The following SHISA9 variants were observed in gnomAD, a reference collection of about 807,000 sequenced individuals.
The protein encoded by SHISA9 is shisa family member 9, also known as protein shisa-9.
A neutral mutation model predicts 38.0 loss-of-function variants in SHISA9; 13 were observed. The ratio of observed to expected loss-of-function variants is 0.34; its 90% CI spans 0.22 to 0.54. SHISA9 has a LOEUF of 0.54. SHISA9 is among the 20% of genes least tolerant of loss of function. The probability of loss-of-function intolerance (pLI) is 0.91; values close to 1 mark genes in which losing one functional copy is unlikely to be tolerated. For synonymous variants in SHISA9, 275 were observed against 242.0 expected (o/e 1.14, Z -1.27); for missense variants, 538 against 575.8 (o/e 0.93, Z 0.67).
chr16:13,260,359 A>G, the SHISA9 span, among the ~76,000 whole-genome samples: 1 of 151,884 alleles, frequency 6.6e-6, no homozygotes, highest in Non-Finnish European at 1.5e-5. Context: ...AAATTTTCCA[A>G]ACTTTTAAGC....
the SHISA9 span, among the ~76,000 whole-genome samples, chr16:13,542,271 T>A: frequency 6.6e-6 from 1 of 152,160 alleles, no homozygotes; most frequent in Admixed American, 6.5e-5. Context: ...AACCACTGAA[T>A]TTGTGGTCAT....
the SHISA9 span, among the ~76,000 whole-genome samples, chr16:13,562,063 AG>A: frequency 1.3e-5 from 2 of 152,124 alleles, no homozygotes; most frequent in African/African-American, 4.8e-5. Flanking sequence ...CTCCACATTG[AG>A]GGGAAGATGG....
chr16:13,357,553 G>A, the SHISA9 span, among the ~76,000 whole-genome samples: 1 of 152,170 alleles, frequency 6.6e-6, no homozygotes, highest in East Asian at 1.9e-4. Flanking sequence ...GAGGTCCCCC[G>A]ATCCGAGTCA....
At chr16:13,311,100 G>A in the SHISA9 span, among the ~76,000 whole-genome samples, 1 of 152,098 alleles carries the variant, frequency 6.6e-6, no homozygotes, top group Non-Finnish European at 1.5e-5. Context: ...AGGGATTGCA[G>A]GGCCTAGAAG....
chr16:13,103,579 C>T (rs1295901995), intron 2 of SHISA9, among the ~76,000 whole-genome samples: 1 of 152,202 alleles, frequency 6.6e-6, no homozygotes, highest in African/African-American at 2.4e-5. Flanking sequence ...GCCTCTCAGT[C>T]TGTGAGTAAG....
At chr16:13,421,137 C>T in the SHISA9 span, among the ~76,000 whole-genome samples, 1 of 152,190 alleles carries the variant, frequency 6.6e-6, no homozygotes, top group African/African-American at 2.4e-5. Context: ...ATCTTCATCC[C>T]TCAGGCCAGG....
At chr16:13,453,423 A>G in the SHISA9 span, among the ~76,000 whole-genome samples, 4 of 152,216 alleles carry the variant, frequency 2.6e-5, no homozygotes, top group Non-Finnish European at 5.9e-5. Flanking sequence ...TTCATACAAA[A>G]GCTTGCAAAC....
intron 2 of SHISA9, among the ~76,000 whole-genome samples, chr16:13,177,521 A>G (rs1419979019): frequency 6.6e-6 from 1 of 151,950 alleles, no homozygotes; most frequent in Non-Finnish European, 1.5e-5. Context: ...AGTGCTCAAT[A>G]CTTCTACTTT....
intron 2 of SHISA9, among the ~76,000 whole-genome samples, chr16:13,044,797 G>C (rs1273609300): frequency 6.6e-6 from 1 of 152,170 alleles, no homozygotes; most frequent in Non-Finnish European, 1.5e-5. Context: ...ATGAATCTTG[G>C]ATGGTAGCTA....
the SHISA9 span, among the ~76,000 whole-genome samples, chr16:13,428,546 G>C: frequency 1.3e-5 from 2 of 152,176 alleles, no homozygotes; most frequent in African/African-American, 2.4e-5. Context: ...CTGATGGATA[G>C]CTTCCTTGAA....
chr16:13,022,608 A>T (rs1032025524), intron 2 of SHISA9, among the ~76,000 whole-genome samples: 1 of 152,078 alleles, frequency 6.6e-6, no homozygotes, highest in African/African-American at 2.4e-5. Flanking sequence ...CTGGGATTAC[A>T]GTTGTAAGCC....
chr16:13,124,425 G>A (rs968032205), intron 2 of SHISA9, among the ~76,000 whole-genome samples: 1 of 152,144 alleles, frequency 6.6e-6, no homozygotes, highest in Non-Finnish European at 1.5e-5. Context: ...CCCAAGAAAG[G>A]TTGGACCTGT....
At chr16:13,291,015 C>G in the SHISA9 span, among the ~76,000 whole-genome samples, 74 of 152,130 alleles carry the variant, frequency 4.9e-4, no homozygotes, top group African/African-American at 1.7e-3. Context: ...ACTGAACACA[C>G]TATTTAAGGA....
chr16:12,929,444 G>T (rs188146229), intron 2 of SHISA9, among the ~76,000 whole-genome samples: 1 of 152,168 alleles, frequency 6.6e-6, no homozygotes, highest in Non-Finnish European at 1.5e-5. Flanking sequence ...ATACACCATG[G>T]AATACTATGC....
intron 2 of SHISA9, among the ~76,000 whole-genome samples, chr16:13,071,757 C>G (rs1207031343): frequency 1.3e-5 from 2 of 152,036 alleles, no homozygotes; most frequent in African/African-American, 4.8e-5. Context: ...CCCATTTCAG[C>G]CTCCCTAGTA....
intron 2 of SHISA9, among the ~76,000 whole-genome samples, chr16:12,975,169 T>C (rs1312666195): frequency 6.6e-6 from 1 of 152,188 alleles, no homozygotes; most frequent in African/African-American, 2.4e-5. Context: ...CCACTAAAAC[T>C]GTACCCAGTG....
At chr16:13,083,077 G>C (rs1237383254) in intron 2 of SHISA9, among the ~76,000 whole-genome samples, 1 of 152,172 alleles carries the variant, frequency 6.6e-6, no homozygotes, top group African/African-American at 2.4e-5. Flanking sequence ...AAGTAAGCCT[G>C]TGCTCCCCTA....
At chr16:13,351,798 G>C in the SHISA9 span, among the ~76,000 whole-genome samples, 5 of 152,196 alleles carry the variant, frequency 3.3e-5, no homozygotes, top group Non-Finnish European at 7.3e-5. Flanking sequence ...AGGATTGGTT[G>C]CTAACACCAG....
chr16:13,398,748 G>T, the SHISA9 span, among the ~76,000 whole-genome samples: 1 of 152,054 alleles, frequency 6.6e-6, no homozygotes, highest in African/African-American at 2.4e-5. Flanking sequence ...CTGACCTCAG[G>T]TGATCCACAC....
Sources: allele counts gnomAD v4.1 joint callset (sites outside exome capture counted in the v4.1 genomes callset), GRCh38; gene constraint gnomAD v4.1.1; transcripts MANE v1.5; gene names NCBI Gene and HGNC (gene_info 2026-07-23, HGNC 2026-07-21).